Variants in ZNF432 observed in about 807,000 individuals in gnomAD.
ZNF432 encodes the protein zinc finger protein 432.
Under a neutral mutation model 13.9 loss-of-function variants are expected in ZNF432, and 10 were observed. That is an observed-to-expected ratio of 0.72 (90% CI 0.44 to 1.22). The LOEUF is 1.22. Among genes scored for constraint, ZNF432 ranks in the 50% most tolerant of loss-of-function variants. The pLI is 0.00. For missense variants in ZNF432, 793 were observed against 796.2 expected (o/e 1.00, Z 0.05); for synonymous variants, 247 against 256.2 (o/e 0.96, Z 0.34).
intron 4 of ZNF432, among the ~76,000 whole-genome samples, chr19:52,036,861 G>A (rs1600050051): frequency 6.6e-6 from 1 of 152,246 alleles, no homozygotes. Flanking sequence ...TGTAGAGATG[G>A]AGTCTTGCCA....
At chr19:52,048,127 CAACACACA>C (rs1449473241) in intron 1 of ZNF432, among the ~76,000 whole-genome samples, 3 of 32,190 alleles carry the variant, frequency 9.3e-5, no homozygotes, top group Non-Finnish European at 1.6e-4. Context: ...AGTTTGAGCT[CAACACACA>C]CACACACACA....
rs1411223171 is a variant in ZNF432, at chr19:52,034,353, G to C, written c.1326C>G (p.Ser442Arg). The change falls in exon 5 of 5, where the codon AGC becomes AGG. Residue 442 changes from serine (S) to arginine (R), a missense_variant. Ser to Arg is a moderately radical substitution (Grantham distance 110). Transcript: ENST00000221315. ...SECGKGFTVK[S>R]MLIIHQRTHT... is the part of the protein sequence containing the mutation. ...GAGTTCGCTGATGTATGATGAGCAT[G>C]CTTTTCACAGTAAAACCTTTTCCAC... is the stretch of plus-strand genomic sequence containing the variant. 2 of 1,613,720 alleles carry C rather than the reference G, an allele frequency of 1.2e-6. No homozygotes were observed. The highest frequency in any genetic ancestry group is 1.7e-6 in the Non-Finnish European group (2 of 1,179,874).
In ZNF432 at chr19:52,033,852, C is replaced by T. The variant is rs1342379604; in HGVS notation, c.1827G>A (p.Lys609=). The change falls in exon 5 of 5, where the codon AAG becomes AAA. Residue 609 remains lysine (K), a synonymous_variant. Transcript: ENST00000221315. ...CNECGKGFTM[K]SRLIVHQRTH... Reference sequence around the variant, plus strand: ...TTCGTTGATGAACAATTAGACGGCTCTTCATAGTGAAGCCTTTACCACATT... The same window carrying T: ...TTCGTTGATGAACAATTAGACGGCTTTTCATAGTGAAGCCTTTACCACATT... The T allele has an allele frequency of 6.2e-7, 1 of 1,613,932 alleles. No homozygotes were observed. Among genetic ancestry groups the T allele is most frequent in the Admixed American group, 1.7e-5 (1 of 60,004 alleles).
intron 4 of ZNF432, among the ~76,000 whole-genome samples, chr19:52,037,799 A>G (rs1341532273): frequency 6.6e-6 from 1 of 151,806 alleles, no homozygotes; most frequent in Non-Finnish European, 1.5e-5. Flanking sequence ...TAAAAAAAAA[A>G]AAAAAAAAAG....
At position 52,034,165 on chromosome 19, in the gene ZNF432, C is replaced by G; in HGVS notation, c.1514G>C (p.Arg505Pro). 6.2e-7 allele frequency: 1 copy of G among 1,614,066 alleles called. No homozygotes were observed. Among genetic ancestry groups the G allele is most frequent in the Non-Finnish European group, 8.5e-7 (1 of 1,179,998 alleles). The change falls in exon 5 of 5, where the codon CGA becomes CCA. Residue 505 changes from arginine (R) to proline (P), a missense_variant. By Grantham distance (103) the Arg-to-Pro change is moderately radical (BLOSUM62 -2). Transcript: ENST00000221315. ...GTACGGTTTCTCTCCAGTATGAGTT[C>G]GCTGATGTAACATCAGTCCGCTATT... The part of the protein sequence containing the change: ...IVNSGLMLHQ[R>P]THTGEKPYIC...
At position 52,035,109 on chromosome 19, in the gene ZNF432, G is replaced by A; in HGVS notation, c.570C>T (p.Ser190=). The stretch of plus-strand genomic sequence containing the variant: ...GAGTTCTCTGATGCTTACTGACTTG[G>A]GATTTAGTGCTATTGGCTTTTGTAC... The part of the protein sequence containing the change: ...SVSTKANSTK[S]QVSKHQRTHE... Residue 190 remains serine (S), a synonymous_variant, in exon 5 of 5, where the codon TCC becomes TCT. Transcript: ENST00000221315. 6.2e-7 allele frequency: 1 copy of A among 1,613,892 alleles called. No homozygotes were observed. The highest frequency in any genetic ancestry group is 1.1e-5 in the South Asian group (1 of 91,032).
In ZNF432 at chr19:52,041,488, A is replaced by G. The variant is rs2087135949; in HGVS notation, c.134T>C (p.Leu45Pro). ...AGAGCAGCTGTCCTCACCCATTGAT[A>G]GCAGGTTGCTGTAGATCTCCAACAT... ...DVMLEIYSNL[L>P]SMGYQVSKPD... is the part of the protein sequence containing the mutation. Residue 45 changes from leucine to proline, a missense_variant, in exon 3 of 5, where the codon CTA becomes CCA. Physicochemically the swap from Leu to Pro is moderately conservative, Grantham distance 98 (BLOSUM62 -3). Transcript: ENST00000221315. The G allele has an allele frequency of 2.5e-6, 4 of 1,603,464 alleles. No homozygotes were observed. Among genetic ancestry groups the G allele is most frequent in the Non-Finnish European group, 8.5e-7 (1 of 1,174,256 alleles).
intron 4 of ZNF432, among the ~76,000 whole-genome samples, chr19:52,038,354 A>G (rs1176347726): frequency 6.6e-6 from 1 of 152,182 alleles, no homozygotes; most frequent in African/African-American, 2.4e-5. Flanking sequence ...CAATGGCACA[A>G]TCTTGGCTCA....
Position 52,032,184 on chromosome 19 carries a change from A to C in ZNF432, c.*1536T>G, listed in dbSNP as rs2087020648. 1 of 152,198 alleles carries C rather than the reference A, an allele frequency of 6.6e-6. No homozygotes were observed. The highest frequency in any genetic ancestry group is 2.4e-5 in the African/African-American group (1 of 41,436). The allele number at this position is 152,198 out of a possible 1,614,324, so 9.4% of individuals were successfully genotyped here. On this transcript the variant is annotated 3_prime_UTR_variant, in exon 5 of 5. Transcript: ENST00000221315. ...CTAGTAACTTGGATAAACACATCCA[A>C]ATATACTGAATTACATTTATCAGTA... is the stretch of plus-strand genomic sequence containing the variant.
chr19:52,042,657 C>T (rs907292913), intron 2 of ZNF432, among the ~76,000 whole-genome samples: 2 of 152,258 alleles, frequency 1.3e-5, no homozygotes, highest in Non-Finnish European at 2.9e-5. Flanking sequence ...TATGCCTATA[C>T]ATAGTTTTTG....
rs1205791424 is a variant in ZNF432 at position 52,035,123 on chromosome 19, T to A, written c.556A>T (p.Asn186Tyr). The change falls in exon 5 of 5, where the codon AAT becomes TAT. Residue 186 changes from asparagine to tyrosine, a missense_variant. Coordinates refer to ENST00000221315, the MANE Select transcript of ZNF432 (RefSeq NM_014650.4). ...AAKFSVSTKA[N>Y]STKSQVSKHQ... ...TTACTGACTTGGGATTTAGTGCTAT[T>A]GGCTTTTGTACTTACAGAGAATTTA... The A allele has an allele frequency of 6.2e-7, 1 of 1,614,098 alleles. No individual in the cohort carries two copies. Among genetic ancestry groups the A allele is most frequent in the African/African-American group, 1.3e-5 (1 of 75,050 alleles).
chr19:52,037,860 T>A (rs1403206436), intron 4 of ZNF432, among the ~76,000 whole-genome samples: 1 of 151,548 alleles, frequency 6.6e-6, no homozygotes, highest in Non-Finnish European at 1.5e-5. Context: ...TGTTTCCTCA[T>A]CTGCCACCAA....
intron 3 of ZNF432, 113 bp downstream of exon 3, chr19:52,041,367 G>A (rs989832131): frequency 1.4e-4 from 187 of 1,363,282 alleles, no homozygotes; most frequent in Non-Finnish European, 1.8e-4. Context: ...GCCAGAGGAT[G>A]TGCCAAAAAT....
Position 52,034,008 on chromosome 19 carries a change from AAT to A in ZNF432, c.1669_1670del (p.Ile557CysfsTer15). ...CTTCTGTATGAATTTGCTGATGTAC[AAT>A]GAGATAGCGTTTCATGGTGAAGCCT... ...GKGFTMKRYL[I>X]VHQQIHTEEK... On this transcript the variant is annotated frameshift_variant, in exon 5 of 5. Transcript: ENST00000221315. LOFTEE classifies it low-confidence loss of function (END_TRUNC). 4 of 1,614,198 alleles carry A rather than the reference AAT, an allele frequency of 2.5e-6. No individual in the cohort carries two copies. Among genetic ancestry groups the A allele is most frequent in the Non-Finnish European group, 3.4e-6 (4 of 1,180,046 alleles).
At position 52,034,067 on chromosome 19, in the gene ZNF432, C is replaced by G; in HGVS notation, c.1612G>C (p.Glu538Gln). The G allele has an allele frequency of 1.2e-6, 2 of 1,614,176 alleles. No individual in the cohort carries two copies. Among genetic ancestry groups the G allele is most frequent in the Non-Finnish European group, 1.7e-6 (2 of 1,179,998 alleles). The change falls in exon 5 of 5, where the codon GAG becomes CAG. Residue 538 changes from glutamate (E) to glutamine (Q), a missense_variant. By Grantham distance (29) the Glu-to-Gln change is conservative (BLOSUM62 2). Transcript: ENST00000221315. ...CATTCACTGCACATAAAGGGTTTCT[C>G]TCCAGTATGAGTTCGCTGGTGTACA... Reference protein sequence around the residue: ...LVVHQRTHTGEKPFMCSECGK... With the variant: ...LVVHQRTHTGQKPFMCSECGK...
Position 52,038,941 on chromosome 19 carries a change from A to G in ZNF432, c.238+1547T>C, listed in dbSNP as rs191171932. Among the ~76,000 whole-genome samples the G allele has an allele frequency of 2.8e-3, 434 of 152,374 alleles. 2 individuals are homozygous for G. Among genetic ancestry groups the G allele is most frequent in the Middle Eastern group, 0.014 (4 of 294 alleles). ...TGATAGGGGCTTTGGCCCATGCCAT[A>G]TCACTTCCAGCCTTTGGAAAAACTG... is the stretch of plus-strand genomic sequence containing the variant. On this transcript the variant is annotated intron_variant, in intron 4 of 4. Transcript: ENST00000221315.
chr19:52,048,183 A>ACACACACACACACACACACACACACACAC (rs67232726), intron 1 of ZNF432, among the ~76,000 whole-genome samples: 16 of 145,476 alleles, frequency 1.1e-4, no homozygotes, highest in Non-Finnish European at 1.6e-4. Flanking sequence ...ACACACACAC[A>ACACACACACACACACACACACACACACAC]AAACCAGCCA....
In ZNF432 at chr19:52,032,406, G is replaced by T. The variant is rs1006953781; in HGVS notation, c.*1314C>A. ...AGAATAGATATCAAGTGTATCATGA[G>T]TTTAGATTTGTGACAGTCCTCAAAT... On this transcript the variant is annotated 3_prime_UTR_variant, in exon 5 of 5. Transcript: ENST00000221315. 1 of 147,740 alleles carries T rather than the reference G, an allele frequency of 6.8e-6. No homozygotes were observed. The highest frequency in any genetic ancestry group is 6.8e-5 in the Admixed American group (1 of 14,784). 9.2% of individuals were successfully genotyped at this position (147,740 alleles called of 1,614,324 possible).
In ZNF432 at chr19:52,034,386, A is replaced by G. The variant is rs562844078; in HGVS notation, c.1293T>C (p.Cys431=). The change falls in exon 5 of 5, where the codon TGT becomes TGC. Residue 431 remains cysteine, a synonymous_variant. Coordinates refer to ENST00000221315, the MANE Select transcript of ZNF432 (RefSeq NM_014650.4). ...RNHTVEKSYL[C]SECGKGFTVK... ...CAGTAAAACCTTTTCCACATTCACT[A>G]CATAGATATGACTTCTCTACTGTAT... 9 of 1,613,332 alleles carry G rather than the reference A, an allele frequency of 5.6e-6. No homozygotes were observed. The African/African-American group carries it at 6.7e-5, about 12-fold the overall frequency.
Sources: gnomAD v4.1 joint callset for allele counts (sites outside exome capture counted in the v4.1 genomes callset) on GRCh38, gnomAD v4.1.1 for gene constraint, MANE v1.5 for transcripts, NCBI Gene and HGNC (gene_info 2026-07-23, HGNC 2026-07-21) for gene names.